The following ETV7 variants were observed in gnomAD, a reference collection of about 807,000 sequenced individuals.
The protein encoded by ETV7 is transcription factor ETV7.
ETV7 carries 43 observed loss-of-function variants against 39.1 expected under a neutral mutation model. The ratio of observed to expected loss-of-function variants is 1.10; its 90% CI spans 0.86 to 1.42. The LOEUF (loss-of-function observed/expected upper bound fraction) is 1.42, where lower values mean the gene tolerates loss of function less well. ETV7 is among the 40% of genes most tolerant of loss of function. The probability of loss-of-function intolerance (pLI) is 0.00; values close to 1 mark genes in which losing one functional copy is unlikely to be tolerated. For synonymous variants in ETV7, 196 were observed against 176.6 expected (o/e 1.11, Z -0.87); for missense variants, 432 against 442.3 (o/e 0.98, Z 0.21).
downstream of ETV7, among the ~76,000 whole-genome samples, chr6:36,364,754 G>A (rs1001680900): frequency 3.3e-5 from 5 of 152,250 alleles, no homozygotes; most frequent in Admixed American, 2.0e-4. Context: ...TGCCGAGAGC[G>A]AGCGAGGGCT....
chr6:36,367,015 T>A lies in ETV7; in HGVS notation c.808-40A>T, dbSNP rs760505024. On this transcript the variant is annotated intron_variant, in intron 6 of 7. Transcript: ENST00000340181. ...AGCCCCACATCAGCCCCACTCCCCA[T>A]GTCCTGCTCCTTCCACACCTGGAAG... is the stretch of plus-strand genomic sequence containing the variant. 6 of 1,488,274 alleles carry A rather than the reference T, an allele frequency of 4.0e-6. 1 individual carries two copies. In the South Asian group the frequency reaches 5.7e-5, roughly 14 times the overall value. The allele number at this position is 1,488,274 out of a possible 1,614,324, so 92.2% of individuals were successfully genotyped here. A position where few individuals can be genotyped will look rare whatever the true frequency, so the allele number is the denominator to read the frequency against.
intron 2 of ETV7, among the ~76,000 whole-genome samples, chr6:36,379,784 G>T (rs1773562074): frequency 6.6e-6 from 1 of 150,476 alleles, no homozygotes; most frequent in Admixed American, 6.6e-5. Flanking sequence ...GCTGAGACGG[G>T]AGAATCACTT....
intron 7 of ETV7, chr6:36,354,732 A>G (rs1388582920): frequency 4.3e-6 from 3 of 692,504 alleles, no homozygotes; most frequent in Non-Finnish European, 7.9e-6. Flanking sequence ...TAGGGATTGC[A>G]TTGAATATGT....
At chr6:36,376,073 G>A (rs781042595) in intron 2 of ETV7, 38 bp from the exon 3 acceptor site, 5 of 1,563,588 alleles carry the variant, frequency 3.2e-6, no homozygotes, top group Admixed American at 1.7e-5. Flanking sequence ...ACTCCCCGTC[G>A]GGCCTCCTCA....
At chr6:36,354,472 G>A (rs1772287832) in exon 8 of ETV7, 1 of 476,934 alleles carries the variant, frequency 2.1e-6, no homozygotes, top group Non-Finnish European at 3.7e-6. Context: ...TTTTGCATGT[G>A]GACACCCATT....
At chr6:36,383,276 G>T (rs1402296341) in intron 2 of ETV7, among the ~76,000 whole-genome samples, 1 of 152,070 alleles carries the variant, frequency 6.6e-6, no homozygotes, top group East Asian at 1.9e-4. Flanking sequence ...GCATAGTTGT[G>T]AATCTCCGTG....
rs182070815 is a variant in ETV7 at position 36,360,589 on chromosome 6, C to G, written c.909-5902G>C. 2.0e-5 allele frequency among the ~76,000 whole-genome samples: 3 copies of G among 152,224 alleles called. No individual in the cohort carries two copies. The East Asian group carries it at 5.8e-4, about 29-fold the overall frequency. On this transcript the variant is annotated intron_variant, in intron 7 of 7. Coordinates refer to the ETV7 transcript ENST00000339796. ...CTGAGCTGGAGAGTACACATCTCCC[C>G]GTGAGAGAAGGCAGGCTTGCTGTCC...
rs138338549 is a variant in ETV7 at position 36,369,026 on chromosome 6, G to C, written c.710C>G (p.Thr237Ser). The C allele has an allele frequency of 6.2e-7, 1 of 1,614,044 alleles. No individual in the cohort carries two copies. The stretch of plus-strand genomic sequence containing the variant: ...CCACTTGATGTAGGGCTCATATCGG[G>C]TATCAAGGAGCAGCTGATACACGTA... ...WDYVYQLLLD[T>S]RYEPYIKWED... The change falls in exon 6 of 8, where the codon ACC becomes AGC. Residue 237 changes from threonine to serine, a missense_variant. By Grantham distance (58) the Thr-to-Ser change is moderately conservative (BLOSUM62 1). Coordinates refer to ENST00000340181, the MANE Select transcript of ETV7 (RefSeq NM_016135.4).
At chr6:36,362,761 C>T (rs1350383606), downstream of ETV7, among the ~76,000 whole-genome samples, 2 of 152,224 alleles carry the variant, frequency 1.3e-5, no homozygotes, top group African/African-American at 2.4e-5. Context: ...TGATTCATGC[C>T]TGCTCTCCTA....
At chr6:36,362,370 G>A (rs956237812), downstream of ETV7, among the ~76,000 whole-genome samples, 1 of 152,114 alleles carries the variant, frequency 6.6e-6, no homozygotes, top group Admixed American at 6.5e-5. Context: ...GGCTGAGGCA[G>A]GAGAATCACT....
At chr6:36,384,030 A>G (rs537201400) in intron 2 of ETV7, among the ~76,000 whole-genome samples, 60 of 152,334 alleles carry the variant, frequency 3.9e-4, no homozygotes, top group Non-Finnish European at 6.8e-4. Context: ...TCATGCTGTC[A>G]TGGAAGGGAA....
At chr6:36,376,944 T>C (rs1317533451) in intron 2 of ETV7, among the ~76,000 whole-genome samples, 1 of 152,206 alleles carries the variant, frequency 6.6e-6, no homozygotes, top group Non-Finnish European at 1.5e-5. Context: ...GGAATCAGGT[T>C]TGCTCAGGGA....
At chr6:36,382,032 G>A (rs1343962192) in intron 2 of ETV7, among the ~76,000 whole-genome samples, 1 of 152,112 alleles carries the variant, frequency 6.6e-6, no homozygotes, top group Non-Finnish European at 1.5e-5. Context: ...ACACGTTCCA[G>A]TGAATTAGAA....
chr6:36,387,448 A>T (rs930129193), intron 1 of ETV7, 88 bp downstream of exon 1: 7 of 1,563,096 alleles, frequency 4.5e-6, no homozygotes, highest in Non-Finnish European at 6.2e-6. Context: ...GTCTGATAAA[A>T]TAGGTTTGGA....
Position 36,366,562 on chromosome 6 carries a change from C to T in ETV7, c.*83G>A. 1 of 1,600,344 alleles carries T rather than the reference C, an allele frequency of 6.2e-7. No individual in the cohort carries two copies. Among genetic ancestry groups the T allele is most frequent in the Non-Finnish European group, 8.5e-7 (1 of 1,172,632 alleles). On this transcript the variant is annotated 3_prime_UTR_variant, in exon 8 of 8. Coordinates refer to ENST00000340181, the MANE Select transcript of ETV7 (RefSeq NM_016135.4). ...CAGAGTCTGGCTGGGGATCCTGCTG[C>T]TCTGCTGGGAGGAGGAGTCTGCCTT...
intron 7 of ETV7, among the ~76,000 whole-genome samples, chr6:36,357,857 G>A (rs1044162463): frequency 6.6e-6 from 1 of 152,052 alleles, no homozygotes; most frequent in African/African-American, 2.4e-5. Context: ...CAGCCCAGGT[G>A]ACAGAGTGAG....
intron 7 of ETV7, chr6:36,354,728 T>C: frequency 1.4e-6 from 1 of 692,996 alleles, no homozygotes; most frequent in Non-Finnish European, 2.6e-6. Flanking sequence ...TTGATAGGGA[T>C]TGCATTGAAT....
At chr6:36,357,771 G>A (rs145022148) in intron 7 of ETV7, among the ~76,000 whole-genome samples, 123 of 152,150 alleles carry the variant, frequency 8.1e-4, no homozygotes, top group Middle Eastern at 3.4e-3. Flanking sequence ...CCAGCTACTC[G>A]GGAGGCTGAG....
intron 5 of ETV7, among the ~76,000 whole-genome samples, chr6:36,370,850 C>T (rs1446145192): frequency 1.3e-5 from 2 of 152,146 alleles, no homozygotes; most frequent in Non-Finnish European, 2.9e-5. Context: ...AGCCAGACTG[C>T]CTGGGTTCAC....
Sources: allele counts gnomAD v4.1 joint callset (sites outside exome capture counted in the v4.1 genomes callset), GRCh38; gene constraint gnomAD v4.1.1; transcripts MANE v1.5; gene names NCBI Gene and HGNC (gene_info 2026-07-23, HGNC 2026-07-21).